Variants in RBFOX2 observed in about 807,000 individuals in gnomAD.
RBFOX2 encodes RNA binding protein fox-1 homolog 2.
In RBFOX2, 10 loss-of-function variants were observed where a neutral mutation model predicts 49.1. The ratio of observed to expected loss-of-function variants is 0.20; its 90% CI spans 0.13 to 0.35. The LOEUF (loss-of-function observed/expected upper bound fraction) is 0.35. RBFOX2 is among the 10% of genes least tolerant of loss of function. RBFOX2 has a pLI of 1.00. For synonymous variants in RBFOX2, 183 were observed against 187.4 expected, an observed-to-expected ratio of 0.98 and a Z score of 0.19; for missense variants, 323 against 486.9, an observed-to-expected ratio of 0.66 and a Z score of 3.17.
At chr22:35,777,591 A>G (rs1944253986) in intron 4 of RBFOX2, 3 of 161,036 alleles carry the variant, frequency 1.9e-5, no homozygotes, top group African/African-American at 7.2e-5. Context: ...AATAATCAAA[A>G]CATTAAATTT....
chr22:35,902,899 T>C (rs2149461074), intron 1 of RBFOX2, among the ~76,000 whole-genome samples: 1 of 152,020 alleles, frequency 6.6e-6, no homozygotes. Flanking sequence ...CAAGCAATCT[T>C]CCTGCCCCAG....
At chr22:35,886,551 C>T (rs549225592) in intron 1 of RBFOX2, among the ~76,000 whole-genome samples, 20 of 152,280 alleles carry the variant, frequency 1.3e-4, no homozygotes, top group Non-Finnish European at 2.5e-4. Context: ...CTACACACCT[C>T]GGCTATACGG....
intron 1 of RBFOX2, among the ~76,000 whole-genome samples, chr22:35,815,909 A>G (rs1472859084): frequency 6.6e-6 from 1 of 152,244 alleles, no homozygotes; most frequent in East Asian, 1.9e-4. Flanking sequence ...TGTTTAAAAA[A>G]AAAGAGTACC....
exon 12 of RBFOX2, chr22:35,741,104 G>A (rs1929736552): frequency 1.3e-5 from 2 of 152,344 alleles, no homozygotes; most frequent in African/African-American, 4.8e-5. Context: ...CTGACAAATG[G>A]TGAATCACAA....
At chr22:35,781,570 A>G in intron 3 of RBFOX2, 30 bp downstream of exon 4, 1 of 1,601,974 alleles carries the variant, frequency 6.2e-7, no homozygotes, top group Non-Finnish European at 8.5e-7. Flanking sequence ...CTTTAATTGT[A>G]AAATCCATAA....
At position 35,898,106 on chromosome 22, in the gene RBFOX2, G is replaced by C. The variant is rs996163993; in HGVS notation, c.-34+40741C>G. The stretch of plus-strand genomic sequence containing the variant: ...CATTCCAGAAACAGAAGCTAGCCCA[G>C]GTCTCCCATGGGACGAAGGTGCATG... On this transcript the variant is annotated intron_variant, in intron 1 of 13. Coordinates refer to the RBFOX2 transcript ENST00000359369. The C allele has an allele frequency of 6.8e-6, 5 of 740,572 alleles. No homozygotes were observed. In the Admixed American group the frequency reaches 8.8e-5, roughly 13 times the overall value. The allele number at this position is 740,572 out of a possible 1,614,324, so 45.9% of individuals were successfully genotyped here.
At chr22:35,895,320 T>C (rs746822760) in intron 1 of RBFOX2, among the ~76,000 whole-genome samples, 7 of 152,172 alleles carry the variant, frequency 4.6e-5, no homozygotes, top group Admixed American at 2.0e-4. Context: ...GATGAGTTCT[T>C]TAAACATGAA....
chr22:35,925,901 G>A (rs1307569362), intron 1 of RBFOX2, among the ~76,000 whole-genome samples: 1 of 152,192 alleles, frequency 6.6e-6, no homozygotes, highest in Non-Finnish European at 1.5e-5. Context: ...TGATTACATA[G>A]TACTTGCTGA....
chr22:35,769,249 T>C (rs931965192), intron 4 of RBFOX2, among the ~76,000 whole-genome samples: 1 of 152,168 alleles, frequency 6.6e-6, no homozygotes, highest in African/African-American at 2.4e-5. Flanking sequence ...TGACATCAGT[T>C]GTACACTATT....
chr22:35,917,141 G>C (rs950632870), intron 1 of RBFOX2, among the ~76,000 whole-genome samples: 1 of 152,196 alleles, frequency 6.6e-6, no homozygotes, highest in Non-Finnish European at 1.5e-5. Context: ...GCAACTCCTA[G>C]GTGATGGGGG....
rs549410463 is a variant in RBFOX2, at chr22:36,015,666, T to C, written c.186+12574A>G. On this transcript the variant is annotated intron_variant, in intron 1 of 13. Transcript: ENST00000438146. The stretch of plus-strand genomic sequence containing the variant: ...GTCAAAGCCACATATTCAGACTAAT[T>C]AGGGGACAAGCCAGTCTGATTAGGG... Among the ~76,000 whole-genome samples the C allele has an allele frequency of 1.6e-4, 24 of 152,212 alleles. No individual in the cohort carries two copies. The South Asian group carries it at 5.0e-3, about 32-fold the overall frequency.
At chr22:35,970,479 C>G (rs1288435361) in intron 1 of RBFOX2, among the ~76,000 whole-genome samples, 1 of 136,120 alleles carries the variant, frequency 7.3e-6, no homozygotes, top group Non-Finnish European at 1.5e-5. Flanking sequence ...TGAGACCCAT[C>G]TCAAAAAAAA....
intron 2 of RBFOX2, among the ~76,000 whole-genome samples, chr22:35,786,332 A>C (rs1374893303): frequency 6.6e-6 from 1 of 152,236 alleles, no homozygotes; most frequent in Non-Finnish European, 1.5e-5. Context: ...CTTTAATTCT[A>C]AGTCGATCTG....
chr22:35,951,622 C>T (rs1011171617), intron 1 of RBFOX2, among the ~76,000 whole-genome samples: 3 of 151,050 alleles, frequency 2.0e-5, no homozygotes, highest in East Asian at 3.9e-4. Flanking sequence ...TGGACTGATA[C>T]AAGTGAGCTG....
chr22:36,014,504 T>A (rs866901708), intron 1 of RBFOX2, among the ~76,000 whole-genome samples: 1 of 151,998 alleles, frequency 6.6e-6, no homozygotes, highest in African/African-American at 2.4e-5. Flanking sequence ...GCTGAATGAG[T>A]CAAAATTTTT....
intron 2 of RBFOX2, among the ~76,000 whole-genome samples, chr22:35,805,013 C>T (rs891354833): frequency 2.0e-5 from 3 of 151,992 alleles, no homozygotes; most frequent in African/African-American, 4.8e-5. Flanking sequence ...AAAGGCTGGG[C>T]GCGGTGGCTC....
At chr22:35,925,688 T>C (rs566196205) in intron 1 of RBFOX2, among the ~76,000 whole-genome samples, 33 of 152,204 alleles carry the variant, frequency 2.2e-4, no homozygotes, top group Non-Finnish European at 4.7e-4. Context: ...GTAAAGGAAT[T>C]AGAATTCAAA....
intron 2 of RBFOX2, among the ~76,000 whole-genome samples, chr22:35,804,561 C>T (rs1950348248): frequency 6.6e-6 from 1 of 152,128 alleles, no homozygotes; most frequent in Non-Finnish European, 1.5e-5. Flanking sequence ...GACTTCTCAT[C>T]ACAATCAGCT....
At chr22:35,980,928 G>C (rs957664016) in intron 1 of RBFOX2, among the ~76,000 whole-genome samples, 1 of 152,122 alleles carries the variant, frequency 6.6e-6, no homozygotes, top group Non-Finnish European at 1.5e-5. Flanking sequence ...TTTATGTTAT[G>C]TGTTTTACTT....
Sources: gnomAD v4.1 joint callset for allele counts (sites outside exome capture counted in the v4.1 genomes callset) on GRCh38, gnomAD v4.1.1 for gene constraint, MANE v1.5 for transcripts, NCBI Gene and HGNC (gene_info 2026-07-23, HGNC 2026-07-21) for gene names.